GRAMD1A: variants seen among roughly 807,000 people sequenced by gnomAD.
GRAMD1A encodes protein Aster-A.
A neutral mutation model predicts 92.0 loss-of-function variants in GRAMD1A; 50 were observed. That is an observed-to-expected ratio of 0.54 (90% CI 0.43 to 0.69). GRAMD1A has a LOEUF of 0.69. Among genes scored for constraint, GRAMD1A ranks in the 30% least tolerant of loss-of-function variants. The pLI, the probability that GRAMD1A is intolerant of heterozygous loss-of-function variation, is 0.00. For synonymous variants in GRAMD1A, 405 were observed against 403.6 expected, an observed-to-expected ratio of 1.00 and a Z score of -0.04; for missense variants, 819 against 978.9, an observed-to-expected ratio of 0.84 and a Z score of 2.18.
Position 35,019,417 on chromosome 19 carries a change from C to A in GRAMD1A, c.1359C>A (p.Ala453=). ...CGCTGTTCCGGCGCGGCCCCCAGGCCGGCGGGTGTGTGGTGGACTCCGAGG... is the reference window on the plus strand; with the variant it reads ...CGCTGTTCCGGCGCGGCCCCCAGGCAGGCGGGTGTGTGGTGGACTCCGAGG... ...TQTLFRRGPQ[A]GGCVVDSEVL... is the part of the protein sequence containing the mutation. Residue 453 remains alanine, a synonymous_variant, in exon 13 of 20, where the codon GCC becomes GCA. Transcript: ENST00000317991. The A allele has an allele frequency of 6.2e-7, 1 of 1,613,860 alleles. No homozygotes were observed. The highest frequency in any genetic ancestry group is 1.6e-4 in the Middle Eastern group (1 of 6,062).
rs539487948 is a variant in GRAMD1A, at chr19:35,008,861, C to A, written c.9-258C>A. Among the ~76,000 whole-genome samples, 6 of 152,240 alleles carry A rather than the reference C, an allele frequency of 3.9e-5. No individual in the cohort carries two copies. In the South Asian group the frequency reaches 1.2e-3, roughly 32 times the overall value. On this transcript the variant is annotated intron_variant, in intron 1 of 19. Coordinates refer to ENST00000317991, the MANE Select transcript of GRAMD1A (RefSeq NM_020895.5). ...AAAGTAAGATAAAGGAAGTGCTTTA[C>A]ATGTCCTGATTTGTTTAAGCCCCAA...
Position 35,023,263 on chromosome 19 carries a change from C to T in GRAMD1A, c.1881C>T (p.Val627=). 1.2e-6 allele frequency: 2 copies of T among 1,614,146 alleles called. No individual in the cohort carries two copies. Among genetic ancestry groups the T allele is most frequent in the Non-Finnish European group, 1.7e-6 (2 of 1,179,966 alleles). The change falls in exon 18 of 20, where the codon GTC becomes GTT. Residue 627 remains valine (V), a synonymous_variant. Coordinates refer to ENST00000317991, the MANE Select transcript of GRAMD1A (RefSeq NM_020895.5). ...VSLIILIALN[V]LLFYRLWSLE... Reference sequence around the variant, plus strand: ...TTATCATCCTCATCGCCCTCAACGTCCTGCTCTTCTACCGCCTCTGGTCCC... The same window carrying T: ...TTATCATCCTCATCGCCCTCAACGTTCTGCTCTTCTACCGCCTCTGGTCCC...
chr19:35,021,617 A>G lies in GRAMD1A; in HGVS notation c.1579+12A>G. On this transcript the variant is annotated intron_variant, in intron 14 of 19. Transcript: ENST00000317991. The surrounding 1 kb of genome is among the most constrained non-coding windows in gnomAD (Gnocchi z 5.3). Reference sequence around the variant, plus strand: ...TTTCCACCATCTGGGTAGGGACAGAAGGCCGGCTGGGGCGTGGGTTGGGGG... The same window carrying G: ...TTTCCACCATCTGGGTAGGGACAGAGGGCCGGCTGGGGCGTGGGTTGGGGG... 1 of 1,613,564 alleles carries G rather than the reference A, an allele frequency of 6.2e-7. No individual in the cohort carries two copies.
At chr19:35,006,003 C>T in intron 1 of GRAMD1A, 1 of 456,032 alleles carries the variant, frequency 2.2e-6, no homozygotes, top group South Asian at 1.5e-5. Flanking sequence ...TACATCAAGG[C>T]CCCTAAATGG....
chr19:35,015,745 C>T (rs1489210195), intron 10 of GRAMD1A, 79 bp from the exon 11 acceptor site: 2 of 1,418,526 alleles, frequency 1.4e-6, no homozygotes, highest in Admixed American at 3.9e-5. Context: ...ACTACAAGGC[C>T]TGGGAGTGGG....
chr19:35,025,687 C>T (rs1469009997), intron 19 of GRAMD1A, among the ~76,000 whole-genome samples: 1 of 152,194 alleles, frequency 6.6e-6, no homozygotes, highest in Non-Finnish European at 1.5e-5. Flanking sequence ...TCTCAGTGCT[C>T]TTCAGAACCC....
intron 2 of GRAMD1A, 24 bp downstream of exon 2, chr19:35,009,353 G>A (rs1449527747): frequency 1.2e-6 from 2 of 1,613,634 alleles, no homozygotes; most frequent in South Asian, 2.2e-5. Context: ...CAGGTGGGGT[G>A]GGGAGAGGGC....
At position 35,021,011 on chromosome 19, in the gene GRAMD1A, A is replaced by C. The variant is rs2016011226; in HGVS notation, c.1476-491A>C. Among the ~76,000 whole-genome samples, 1 of 152,064 alleles carries C rather than the reference A, an allele frequency of 6.6e-6. No individual in the cohort carries two copies. On this transcript the variant is annotated intron_variant, in intron 13 of 19. Coordinates refer to ENST00000317991, the MANE Select transcript of GRAMD1A (RefSeq NM_020895.5). The surrounding 1 kb of genome is among the most constrained non-coding windows in gnomAD (Gnocchi z 5.3). ...TTGGATGTGGCGGTGAGGGAAAGAG[A>C]GCTCAAGGAATATCCCGAGGCATTT...
chr19:35,008,669 TA>T (rs1389639480), intron 1 of GRAMD1A, among the ~76,000 whole-genome samples: 4 of 151,988 alleles, frequency 2.6e-5, no homozygotes, highest in Admixed American at 1.3e-4. Context: ...ATATAAAAGC[TA>T]GCCATGTGTG....
chr19:35,022,298 T>G (rs2016118195), intron 16 of GRAMD1A, among the ~76,000 whole-genome samples: 1 of 152,136 alleles, frequency 6.6e-6, no homozygotes, highest in South Asian at 2.1e-4. Context: ...GGGGGCTTTC[T>G]GGAGGAGCAG....
upstream of GRAMD1A, among the ~76,000 whole-genome samples, chr19:34,995,746 G>C (rs554310997): frequency 6.6e-6 from 1 of 152,066 alleles, no homozygotes; most frequent in Admixed American, 6.6e-5. Context: ...ACCATGCCTA[G>C]CTAATTTTTA....
rs766631594 is a variant in GRAMD1A, at chr19:35,023,458, G to A, written c.1993G>A (p.Glu665Lys). ...KFPQTATEWA[E>K]ILALQKQFHS... ...CCCCCAGACGGCCACAGAGTGGGCC[G>A]AGATCCTGGCGCTGCAGAAGCAATT... is the stretch of plus-strand genomic sequence containing the variant. Residue 665 changes from glutamate to lysine, a missense_variant, in exon 19 of 20, where the codon GAG becomes AAG. Glu to Lys is a moderately conservative substitution (Grantham distance 56, BLOSUM62 1). Coordinates refer to ENST00000317991, the MANE Select transcript of GRAMD1A (RefSeq NM_020895.5). 7 of 1,589,120 alleles carry A rather than the reference G, an allele frequency of 4.4e-6. No homozygotes were observed. The highest frequency in any genetic ancestry group is 2.2e-5 in the South Asian group (2 of 89,150).
At chr19:35,005,325 G>A (rs368508678) in intron 1 of GRAMD1A, among the ~76,000 whole-genome samples, 1 of 151,838 alleles carries the variant, frequency 6.6e-6, no homozygotes, top group African/African-American at 2.4e-5. Context: ...GGGGTAGGGG[G>A]TGTTAAATAG....
At chr19:35,011,178 C>A (rs1005066315) in intron 6 of GRAMD1A, among the ~76,000 whole-genome samples, 2 of 152,142 alleles carry the variant, frequency 1.3e-5, no homozygotes. Context: ...TGGGCTCCCC[C>A]CATCACATCC....
chr19:35,001,190 A>G (rs1301920210), intron 1 of GRAMD1A: 2 of 152,158 alleles, frequency 1.3e-5, no homozygotes, highest in South Asian at 2.1e-4. Flanking sequence ...GGCCTCTGAT[A>G]GAGTTCCTGC....
rs575249466 is a variant in GRAMD1A at position 35,019,821 on chromosome 19, T to C, written c.1475+288T>C. 2.6e-5 allele frequency among the ~76,000 whole-genome samples: 4 copies of C among 152,156 alleles called. No homozygotes were observed. In the South Asian group the frequency reaches 8.3e-4, roughly 32 times the overall value. On this transcript the variant is annotated intron_variant, in intron 13 of 19. Transcript: ENST00000317991. ...CATATTCTAGTGGGGAATTGGACAA[T>C]AGAGAAATGATCAGGAAAATCTGCA...
Position 35,000,459 on chromosome 19 carries a change from G to A in GRAMD1A, c.-20G>A. On this transcript the variant is annotated 5_prime_UTR_variant, in exon 1 of 20. Transcript: ENST00000317991. This position sits in a 1 kb window ranked among gnomAD's most constrained non-coding sequence, Gnocchi z 4.9. Reference sequence around the variant, plus strand: ...CCCTGCCCTGCCCTGCGCCCGGGGCGCGCCCACCGCGCCGCATCCATGTTC... The same window carrying A: ...CCCTGCCCTGCCCTGCGCCCGGGGCACGCCCACCGCGCCGCATCCATGTTC... The A allele has an allele frequency of 1.6e-6, 2 of 1,234,024 alleles. No individual in the cohort carries two copies. The highest frequency in any genetic ancestry group is 2.8e-5 in the South Asian group (1 of 35,110). 76.4% of individuals were successfully genotyped at this position (1,234,024 alleles called of 1,614,324 possible). A position where few individuals can be genotyped will look rare whatever the true frequency, so the allele number is the denominator to read the frequency against.
chr19:35,023,084 C>G (rs1487728154), intron 17 of GRAMD1A, 152 bp from the exon 18 acceptor site: 6 of 794,952 alleles, frequency 7.5e-6, no homozygotes, highest in Non-Finnish European at 2.2e-6. Flanking sequence ...CTGCTATGGA[C>G]TGTGCAACCC....
upstream of GRAMD1A, chr19:34,996,261 T>C (rs1420040645): frequency 2.9e-5 from 44 of 1,534,590 alleles, no homozygotes; most frequent in Non-Finnish European, 3.8e-5. Context: ...CAGCAGAGGA[T>C]GCCAGACCCG....
Sources: gnomAD v4.1 joint callset for allele counts (sites outside exome capture counted in the v4.1 genomes callset) on GRCh38, gnomAD v4.1.1 for gene constraint, Gnocchi (gnomAD v3.1) non-coding constraint, MANE v1.5 for transcripts, NCBI Gene and HGNC (gene_info 2026-07-23, HGNC 2026-07-21) for gene names.